The following FSHR variants were observed in gnomAD, a reference collection of about 807,000 sequenced individuals.
FSHR encodes the protein follicle-stimulating hormone receptor.
FSHR carries 46 observed loss-of-function variants against 52.1 expected under a neutral mutation model. That is an observed-to-expected ratio of 0.88 (90% CI 0.70 to 1.13). FSHR has a LOEUF of 1.13. FSHR is among the 50% of genes most tolerant of loss of function. The pLI, the probability that FSHR is intolerant of heterozygous loss-of-function variation, is 0.00. For synonymous variants in FSHR, 399 were observed against 309.6 expected (o/e 1.29, Z -3.03); for missense variants, 964 against 834.6 (o/e 1.16, Z -1.91).
intron 2 of FSHR, among the ~76,000 whole-genome samples, chr2:49,046,609 C>A (rs575358484): frequency 6.6e-6 from 1 of 152,186 alleles, no homozygotes; most frequent in Non-Finnish European, 1.5e-5. Context: ...TGTTGTTAAG[C>A]AATATGAGAA....
intron 4 of FSHR, among the ~76,000 whole-genome samples, chr2:49,002,558 A>G (rs933333223): frequency 6.6e-6 from 1 of 152,076 alleles, no homozygotes; most frequent in African/African-American, 2.4e-5. Context: ...TGGTGGCAGC[A>G]AGAAGAAGTG....
intron 2 of FSHR, among the ~76,000 whole-genome samples, chr2:49,055,095 CAGTG>C: frequency 6.6e-6 from 1 of 151,884 alleles, no homozygotes; most frequent in Admixed American, 6.6e-5. Flanking sequence ...TAAGGAAACT[CAGTG>C]AGATACAAGA....
intron 1 of FSHR, among the ~76,000 whole-genome samples, chr2:49,114,802 G>T (rs1315434372): frequency 2.0e-5 from 3 of 152,004 alleles, no homozygotes; most frequent in Admixed American, 6.6e-5. Flanking sequence ...ATTGTTGGGG[G>T]AGGGGACAAT....
chr2:49,022,841 T>C (rs1286268305), intron 2 of FSHR, among the ~76,000 whole-genome samples: 1 of 152,208 alleles, frequency 6.6e-6, no homozygotes, highest in Non-Finnish European at 1.5e-5. Context: ...TTTTCAGAGA[T>C]GAGTCTCTCC....
At chr2:48,971,885 A>G (rs926881581) in intron 8 of FSHR, among the ~76,000 whole-genome samples, 1 of 152,178 alleles carries the variant, frequency 6.6e-6, no homozygotes, top group Non-Finnish European at 1.5e-5. Flanking sequence ...TGGTTCCTCC[A>G]TGACCTCCAA....
In FSHR at chr2:48,962,611, G is replaced by T. The variant is rs1370441851; in HGVS notation, c.*122C>A. 9 of 998,620 alleles carry T rather than the reference G, an allele frequency of 9.0e-6. No homozygotes were observed. The highest frequency in any genetic ancestry group is 1.6e-5 in the African/African-American group (1 of 62,540). 61.9% of individuals were successfully genotyped at this position (998,620 alleles called of 1,614,324 possible). On this transcript the variant is annotated 3_prime_UTR_variant, in exon 10 of 10. Coordinates refer to ENST00000406846, the MANE Select transcript of FSHR (RefSeq NM_000145.4). ...TAGTTCCTGACCAATTTACCTTAAA[G>T]GTATGCCAGGAATATTAAATTAGAT...
intron 1 of FSHR, among the ~76,000 whole-genome samples, chr2:49,116,483 C>A (rs1671604743): frequency 1.3e-5 from 2 of 152,004 alleles, no homozygotes; most frequent in Non-Finnish European, 2.9e-5. Flanking sequence ...AGTTTTCTCC[C>A]CTGTAAAATG....
chr2:49,023,440 T>C (rs1667810294), intron 2 of FSHR, among the ~76,000 whole-genome samples: 1 of 152,210 alleles, frequency 6.6e-6, no homozygotes, highest in African/African-American at 2.4e-5. Context: ...ATGAAGTTTG[T>C]GGCATTCTTT....
At chr2:49,109,866 C>G (rs1671362329) in intron 1 of FSHR, among the ~76,000 whole-genome samples, 1 of 152,088 alleles carries the variant, frequency 6.6e-6, no homozygotes, top group Admixed American at 6.6e-5. Flanking sequence ...AGGGTAAATT[C>G]TTTCCACTTC....
intron 1 of FSHR, among the ~76,000 whole-genome samples, chr2:49,133,701 G>T (rs1404645425): frequency 6.6e-6 from 1 of 152,098 alleles, no homozygotes; most frequent in African/African-American, 2.4e-5. Flanking sequence ...AAACAGCACG[G>T]TACTGATACC....
chr2:49,047,371 A>C (rs1446174265), intron 2 of FSHR, among the ~76,000 whole-genome samples: 1 of 152,240 alleles, frequency 6.6e-6, no homozygotes, highest in Non-Finnish European at 1.5e-5. Flanking sequence ...GTAAAGAAAA[A>C]AAATAATCTG....
chr2:49,097,725 A>C (rs1670878572), intron 1 of FSHR, among the ~76,000 whole-genome samples: 1 of 152,192 alleles, frequency 6.6e-6, no homozygotes, highest in African/African-American at 2.4e-5. Flanking sequence ...TCTGAAGTTT[A>C]ACATCGGTCC....
Position 48,962,998 on chromosome 2 carries a change from T to G in FSHR, c.1823A>C (p.Lys608Thr). The change falls in exon 10 of 10, where the codon AAG becomes ACG. Residue 608 changes from lysine to threonine, a missense_variant. Physicochemically the swap from Lys to Thr is moderately conservative, Grantham distance 78. Coordinates refer to ENST00000406846, the MANE Select transcript of FSHR (RefSeq NM_000145.4). Reference protein sequence around the residue: ...KVPLITVSKAKILLVLFHPIN... With the variant: ...KVPLITVSKATILLVLFHPIN... Reference sequence around the variant, plus strand: ...GGGGTGAAACAGAACCAGCAGAATCTTTGCTTTGGACACAGTGATGAGGGG... The same window carrying G: ...GGGGTGAAACAGAACCAGCAGAATCGTTGCTTTGGACACAGTGATGAGGGG... The G allele has an allele frequency of 1.2e-6, 2 of 1,614,082 alleles. No individual in the cohort carries two copies. The highest frequency in any genetic ancestry group is 1.7e-6 in the Non-Finnish European group (2 of 1,180,004).
intron 4 of FSHR, among the ~76,000 whole-genome samples, chr2:48,992,324 T>G (rs1559110660): frequency 6.6e-6 from 1 of 152,228 alleles, no homozygotes; most frequent in Non-Finnish European, 1.5e-5. Context: ...TGTTTTCCCT[T>G]TGTAGTTCAT....
At chr2:49,098,467 A>G (rs911364131) in intron 1 of FSHR, among the ~76,000 whole-genome samples, 3 of 152,028 alleles carry the variant, frequency 2.0e-5, no homozygotes, top group Admixed American at 2.0e-4. Context: ...ATAGAATTTG[A>G]CCATGTGAAA....
At chr2:49,097,310 A>T (rs1294876980) in intron 1 of FSHR, among the ~76,000 whole-genome samples, 1 of 152,122 alleles carries the variant, frequency 6.6e-6, no homozygotes, top group Non-Finnish European at 1.5e-5. Flanking sequence ...CTTTCATTAG[A>T]TATGAGAATT....
chr2:49,041,881 T>A (rs1272678014), intron 2 of FSHR, among the ~76,000 whole-genome samples: 1 of 151,986 alleles, frequency 6.6e-6, no homozygotes, highest in African/African-American at 2.4e-5. Context: ...GCACAATGGC[T>A]CATGCCTTTT....
At chr2:49,072,469 A>T (rs1392402792) in intron 1 of FSHR, among the ~76,000 whole-genome samples, 10 of 152,204 alleles carry the variant, frequency 6.6e-5, no homozygotes, top group Admixed American at 6.5e-4. Context: ...CTTCCAATAC[A>T]ATAAACTACT....
At chr2:48,978,851 C>G (rs576889261) in intron 8 of FSHR, among the ~76,000 whole-genome samples, 2 of 152,318 alleles carry the variant, frequency 1.3e-5, no homozygotes, top group East Asian at 3.9e-4. Context: ...CCCTCAACTA[C>G]AAATTTTGCC....
Sources: gnomAD v4.1 joint callset for allele counts (sites outside exome capture counted in the v4.1 genomes callset) on GRCh38, gnomAD v4.1.1 for gene constraint, MANE v1.5 for transcripts, NCBI Gene and HGNC (gene_info 2026-07-23, HGNC 2026-07-21) for gene names.